CDH22: variants seen among roughly 807,000 people sequenced by gnomAD.
CDH22 encodes the protein cadherin 22, also known as cadherin-22.
A neutral mutation model predicts 58.4 loss-of-function variants in CDH22; 30 were observed. The observed-to-expected ratio is 0.51, with a 90% confidence interval of 0.38 to 0.70. The LOEUF (loss-of-function observed/expected upper bound fraction) is 0.70, where lower values mean the gene tolerates loss of function less well. Ranked by LOEUF, CDH22 falls within the 30% of genes least tolerant of loss-of-function variation. The pLI is 0.00. For missense variants in CDH22, 1,014 were observed against 1,233.9 expected, an observed-to-expected ratio of 0.82 and a Z score of 2.67; for synonymous variants, 513 against 558.2, an observed-to-expected ratio of 0.92 and a Z score of 1.14.
intron 2 of CDH22, among the ~76,000 whole-genome samples, chr20:46,248,529 T>G (rs1285769596): frequency 6.6e-6 from 1 of 152,120 alleles, no homozygotes; most frequent in African/African-American, 2.4e-5. Context: ...GCTTAAAAAC[T>G]TCAGCTCAGG....
chr20:46,265,188 C>T (rs1480265672), intron 1 of CDH22, among the ~76,000 whole-genome samples: 1 of 152,182 alleles, frequency 6.6e-6, no homozygotes, highest in Non-Finnish European at 1.5e-5. Flanking sequence ...CTGGCCGTGT[C>T]AATATTTATT....
At chr20:46,281,981 A>G (rs796863405) in intron 1 of CDH22, among the ~76,000 whole-genome samples, 8 of 152,392 alleles carry the variant, frequency 5.2e-5, no homozygotes, top group African/African-American at 1.9e-4. Flanking sequence ...GAATGAAAGT[A>G]TCTTACCGAA....
intron 1 of CDH22, among the ~76,000 whole-genome samples, chr20:46,286,602 C>T (rs1194532278): frequency 6.6e-6 from 1 of 151,908 alleles, no homozygotes; most frequent in Non-Finnish European, 1.5e-5. Context: ...TCCGCCGATC[C>T]CCCGAGTCTA....
intron 10 of CDH22, among the ~76,000 whole-genome samples, chr20:46,179,405 A>G (rs1280555058): frequency 1.3e-5 from 2 of 152,076 alleles, no homozygotes; most frequent in African/African-American, 4.8e-5. Flanking sequence ...AGACGACCCC[A>G]ATTCAGTGTC....
At chr20:46,292,238 C>A (rs192289485) in intron 1 of CDH22, among the ~76,000 whole-genome samples, 1 of 152,178 alleles carries the variant, frequency 6.6e-6, no homozygotes, top group South Asian at 2.1e-4. Context: ...TGAGTGCCAA[C>A]GATATGGCAG....
At chr20:46,175,679 G>T (rs1429010031) in intron 11 of CDH22, among the ~76,000 whole-genome samples, 2 of 152,174 alleles carry the variant, frequency 1.3e-5, no homozygotes, top group Admixed American at 6.5e-5. Context: ...GGTTCTCAAA[G>T]TGCGGCCCCT....
Position 46,308,223 on chromosome 20 carries a change from G to A in CDH22, c.-400+32C>T, listed in dbSNP as rs1249167049. The A allele has an allele frequency of 6.6e-6, 1 of 152,206 alleles. No homozygotes were observed. The highest frequency in any genetic ancestry group is 6.6e-5 in the Admixed American group (1 of 15,192). The allele number at this position is 152,206 out of a possible 1,614,324, so 9.4% of individuals were successfully genotyped here. A position where few individuals can be genotyped will look rare whatever the true frequency, so the allele number is the denominator to read the frequency against. Reference sequence around the variant, plus strand: ...GCAGCCTCCCCTCGGCGGCGATCCGGCCGCTCCTCCCGCGGCACCCCGCGC... The same window carrying A: ...GCAGCCTCCCCTCGGCGGCGATCCGACCGCTCCTCCCGCGGCACCCCGCGC... On this transcript the variant is annotated intron_variant, in intron 1 of 11. Coordinates refer to ENST00000537909, the MANE Select transcript of CDH22 (RefSeq NM_021248.3). The surrounding 1 kb of genome is among the most constrained non-coding windows in gnomAD (Gnocchi z 4.3).
At chr20:46,295,269 C>T (rs138866140) in intron 1 of CDH22, among the ~76,000 whole-genome samples, 133 of 152,314 alleles carry the variant, frequency 8.7e-4, no homozygotes, top group African/African-American at 2.9e-3. Context: ...ATATCCTGTG[C>T]TCTCCCTATT....
intron 1 of CDH22, among the ~76,000 whole-genome samples, chr20:46,285,370 C>G (rs2145771718): frequency 6.6e-6 from 1 of 152,282 alleles, no homozygotes. Context: ...TGGAGAAAGC[C>G]CCTAGTGCAG....
At chr20:46,185,764 A>G (rs537743592) in intron 10 of CDH22, among the ~76,000 whole-genome samples, 1 of 152,298 alleles carries the variant, frequency 6.6e-6, no homozygotes, top group South Asian at 2.1e-4. Flanking sequence ...GCTACTCAGG[A>G]GGCTGACGCA....
chr20:46,284,258 C>T (rs1258297316), intron 1 of CDH22, among the ~76,000 whole-genome samples: 1 of 152,014 alleles, frequency 6.6e-6, no homozygotes, highest in Non-Finnish European at 1.5e-5. Flanking sequence ...ACCAGGGGGA[C>T]AAAGGTGATC....
At chr20:46,296,593 A>C (rs997160771) in intron 1 of CDH22, among the ~76,000 whole-genome samples, 5 of 152,210 alleles carry the variant, frequency 3.3e-5, no homozygotes, top group Non-Finnish European at 7.3e-5. Context: ...CCAGGTGAGC[A>C]AAGGTTTGCA....
At chr20:46,243,038 C>G (rs976845488) in intron 2 of CDH22, among the ~76,000 whole-genome samples, 7 of 152,134 alleles carry the variant, frequency 4.6e-5, no homozygotes, top group African/African-American at 1.7e-4. Flanking sequence ...AAATCCATTC[C>G]GATGAGGCTT....
At chr20:46,196,790 C>G (rs969511753) in intron 8 of CDH22, among the ~76,000 whole-genome samples, 1 of 152,134 alleles carries the variant, frequency 6.6e-6, no homozygotes, top group Non-Finnish European at 1.5e-5. Context: ...AGAAAGGGCC[C>G]GGAACAGAGT....
chr20:46,258,837 CAGCA>C, intron 1 of CDH22, among the ~76,000 whole-genome samples: 1 of 152,216 alleles, frequency 6.6e-6, no homozygotes, highest in Non-Finnish European at 1.5e-5. Context: ...CAACTTGAGG[CAGCA>C]TAGACACCAA....
At chr20:46,307,746 G>T (rs923124980) in intron 1 of CDH22, among the ~76,000 whole-genome samples, 1 of 152,002 alleles carries the variant, frequency 6.6e-6, no homozygotes, top group Non-Finnish European at 1.5e-5. Context: ...GCGCGCACAC[G>T]CTCGCGCCGT....
rs138398780 is a variant in CDH22 at position 46,268,440 on chromosome 20, G to A, written c.-399-16747C>T. ...ATTCCGCTTTCATCTTGTCAACCTC[G>A]CAGTAAATTACAGGCCTGGGGAGGC... On this transcript the variant is annotated intron_variant, in intron 1 of 11. Transcript: ENST00000537909. 4.5e-3 allele frequency among the ~76,000 whole-genome samples: 679 copies of A among 152,362 alleles called. 3 individuals are homozygous for A. The highest frequency in any genetic ancestry group is 0.015 in the African/African-American group (638 of 41,578).
intron 10 of CDH22, among the ~76,000 whole-genome samples, chr20:46,180,243 C>A (rs146613497): frequency 2.0e-5 from 3 of 152,334 alleles, no homozygotes; most frequent in Non-Finnish European, 4.4e-5. Context: ...TCACTGCTGC[C>A]ACCCTGTCCC....
At chr20:46,213,948 GGA>G (rs2086063089) in intron 5 of CDH22, among the ~76,000 whole-genome samples, 1 of 152,164 alleles carries the variant, frequency 6.6e-6, no homozygotes, top group Non-Finnish European at 1.5e-5. Context: ...TAGGTACTTA[GGA>G]GAGAGATAAA....
Sources: allele counts gnomAD v4.1 joint callset (sites outside exome capture counted in the v4.1 genomes callset), GRCh38; gene constraint gnomAD v4.1.1; non-coding constraint Gnocchi (gnomAD v3.1); transcripts MANE v1.5; gene names NCBI Gene and HGNC (gene_info 2026-07-23, HGNC 2026-07-21).